ABCA4: variants seen among roughly 807,000 people sequenced by gnomAD.
The protein encoded by ABCA4 is retinal-specific phospholipid-transporting ATPase ABCA4.
A neutral mutation model predicts 263.7 loss-of-function variants in ABCA4; 196 were observed. The observed-to-expected ratio is 0.74, with a 90% CI of 0.66 to 0.84. ABCA4 has a LOEUF of 0.84. ABCA4 is among the 40% of genes least tolerant of loss of function. The pLI is 0.00. For missense variants in ABCA4, 2,792 were observed against 2,855.1 expected, an observed-to-expected ratio of 0.98 and a Z score of 0.50; for synonymous variants, 1,133 against 1,094.2, an observed-to-expected ratio of 1.04 and a Z score of -0.70.
rs1553186216 is a variant in ABCA4, at chr1:93,998,749, T to TTTATTTTATG, written c.6480-640_6480-639insCATAAAATAA. ...TTTATTTTATTTTATTTTATTTTAT[T>TTTATTTTATG]TTATTTTATTTGAGACAGTCTCACC... On this transcript the variant is annotated intron_variant, in intron 47 of 49. Coordinates refer to ENST00000370225, the MANE Select transcript of ABCA4 (RefSeq NM_000350.3). Among the ~76,000 whole-genome samples, 282 of 150,924 alleles carry TTTATTTTATG rather than the reference T, an allele frequency of 1.9e-3. 1 individual carries two copies. The highest frequency in any genetic ancestry group is 6.6e-3 in the African/African-American group (272 of 40,922).
intron 37 of ABCA4, 93 bp from the exon 38 acceptor site, chr1:94,014,783 G>C: frequency 6.5e-7 from 1 of 1,531,382 alleles, no homozygotes; most frequent in Non-Finnish European, 9.0e-7. Flanking sequence ...TTACACCTGA[G>C]GTGATGTGTG....
At chr1:94,095,874 C>T (rs555153240) in intron 6 of ABCA4, among the ~76,000 whole-genome samples, 1 of 151,056 alleles carries the variant, frequency 6.6e-6, no homozygotes, top group South Asian at 2.1e-4. Context: ...TCCACCGAGA[C>T]GGAAGCAGGA....
rs769629084 is a variant in ABCA4, at chr1:94,021,968, A to G, written c.4668-17T>C. On this transcript the variant is annotated splice_polypyrimidine_tract_variant and intron_variant, in intron 32 of 49. Transcript: ENST00000370225. ...CCTCCATACCTGACAAGGAAACAGG[A>G]AATCCTCAGACCAGGGCCACGAACT... 1.2e-6 allele frequency: 2 copies of G among 1,610,634 alleles called. No individual in the cohort carries two copies. Among genetic ancestry groups the G allele is most frequent in the Admixed American group, 3.3e-5 (2 of 60,020 alleles).
Position 94,025,007 on chromosome 1 carries a change from G to C in ABCA4, c.4581C>G (p.Asp1527Glu). Residue 1527 changes from aspartate to glutamate, a missense_variant, in exon 31 of 50, where the codon GAC becomes GAG. Asp to Glu is a conservative substitution (Grantham distance 45). Transcript: ENST00000370225. ...TTACCAAGAAGTCGGAGATGTTCCTGTCCGTCAGGTCTTGTAGAATTTCCG... is the reference window on the plus strand; with the variant it reads ...TTACCAAGAAGTCGGAGATGTTCCTCTCCGTCAGGTCTTGTAGAATTTCCG... Reference protein sequence around the residue: ...RSTEILQDLTDRNISDFLVKT... With the variant: ...RSTEILQDLTERNISDFLVKT... 3.1e-6 allele frequency: 5 copies of C among 1,614,166 alleles called. 2 individuals are homozygous for C. The South Asian group carries it at 5.5e-5, about 18-fold the overall frequency.
chr1:94,120,887 G>GGCCCCCCCCCCCCCCCC, intron 1 of ABCA4, 93 bp downstream of exon 1: 1 of 339,360 alleles, frequency 2.9e-6, no homozygotes, highest in Non-Finnish European at 5.3e-6. Context: ...CCCCCACCCT[G>GGCCCCCCCCCCCCCCCC]CCCCACCACC....
chr1:94,041,379 G>C lies in ABCA4; in HGVS notation c.3352C>G (p.His1118Asp), dbSNP rs369440533. The change falls in exon 23 of 50, where the codon CAC becomes GAC. Residue 1118 changes from histidine to aspartate, a missense_variant. Transcript: ENST00000370225. ...RSGRTIIMST[H>D]HMDEADLLGD... ...AGGAGGTCGGCCTCGTCCATGTGGT[G>C]AGTGGACATGATGATGGTTCTGCCT... is the stretch of plus-strand genomic sequence containing the variant. 2 of 1,614,016 alleles carry C rather than the reference G, an allele frequency of 1.2e-6. No homozygotes were observed. Among genetic ancestry groups the C allele is most frequent in the Non-Finnish European group, 1.7e-6 (2 of 1,180,046 alleles).
At chr1:94,048,075 T>C (rs567918266) in intron 18 of ABCA4, among the ~76,000 whole-genome samples, 19 of 152,302 alleles carry the variant, frequency 1.2e-4, no homozygotes, top group African/African-American at 3.6e-4. Context: ...GCCAGAGGCA[T>C]GGTGTACTGC....
At chr1:94,003,354 CTTT>C (rs57286064) in intron 44 of ABCA4, among the ~76,000 whole-genome samples, 4 of 142,754 alleles carry the variant, frequency 2.8e-5, no homozygotes, top group Non-Finnish European at 3.1e-5. Flanking sequence ...ATACAGTCTC[CTTT>C]TTTTTTTTTT....
chr1:94,117,329 T>TTAGG (rs1662818729), intron 1 of ABCA4, among the ~76,000 whole-genome samples: 1 of 152,076 alleles, frequency 6.6e-6, no homozygotes, highest in South Asian at 2.1e-4. Context: ...GGAGCCTGGG[T>TTAGG]ACACTGGAGT....
chr1:94,083,206 A>G, intron 7 of ABCA4, 146 bp downstream of exon 7: 1 of 790,818 alleles, frequency 1.3e-6, no homozygotes. Flanking sequence ...TTGGGATGTG[A>G]ACAGGTGCTT....
At chr1:94,011,124 G>T in intron 39 of ABCA4, 138 bp downstream of exon 39, 8 of 1,548,296 alleles carry the variant, frequency 5.2e-6, no homozygotes, top group Non-Finnish European at 7.1e-6. Flanking sequence ...ATCCTCTCCA[G>T]CTGGCAGGAC....
chr1:94,046,376 C>T (rs544956954), intron 19 of ABCA4, among the ~76,000 whole-genome samples: 4 of 135,918 alleles, frequency 2.9e-5, no homozygotes, highest in Admixed American at 2.4e-4. Flanking sequence ...GTGGGAGAAT[C>T]GCTTGATCCT....
intron 6 of ABCA4, among the ~76,000 whole-genome samples, chr1:94,085,017 C>T (rs945761922): frequency 9.2e-5 from 14 of 152,126 alleles, no homozygotes; most frequent in Non-Finnish European, 1.6e-4. Flanking sequence ...AAAATGGCCA[C>T]AGGTGGATTT....
chr1:94,088,520 C>T (rs1038426904), intron 6 of ABCA4, among the ~76,000 whole-genome samples: 10 of 152,242 alleles, frequency 6.6e-5, no homozygotes, highest in East Asian at 1.9e-4. Flanking sequence ...CTAGATCCAG[C>T]GTGTTCTGAA....
chr1:94,003,247 G>A (rs1278049422), intron 44 of ABCA4, among the ~76,000 whole-genome samples: 1 of 151,582 alleles, frequency 6.6e-6, no homozygotes, highest in Non-Finnish European at 1.5e-5. Flanking sequence ...GTAGTCTATT[G>A]TCTGCTATTC....
Position 94,021,898 on chromosome 1 carries a change from T to G in ABCA4, c.4721A>C (p.Glu1574Ala), listed in dbSNP as rs1557768944. 6.2e-7 allele frequency: 1 copy of G among 1,614,052 alleles called. No individual in the cohort carries two copies. Among genetic ancestry groups the G allele is most frequent in the South Asian group, 1.1e-5 (1 of 91,078 alleles). The change falls in exon 33 of 50, where the codon GAA becomes GCA. Residue 1574 changes from glutamate to alanine, a missense_variant. Physicochemically the swap from Glu to Ala is moderately radical, Grantham distance 107. Coordinates refer to ENST00000370225, the MANE Select transcript of ABCA4 (RefSeq NM_000350.3). Reference protein sequence around the residue: ...GKLPVVPITGEALVGFLSDLG... With the variant: ...GKLPVVPITGAALVGFLSDLG... ...GTCGCTTAAAAACCCAACAAGTGCTTCCCCCGTGATGGGGACGACTGGGAG... is the reference window on the plus strand; with the variant it reads ...GTCGCTTAAAAACCCAACAAGTGCTGCCCCCGTGATGGGGACGACTGGGAG...
At chr1:94,012,824 G>A (rs1374405078) in intron 38 of ABCA4, among the ~76,000 whole-genome samples, 1 of 150,472 alleles carries the variant, frequency 6.6e-6, no homozygotes, top group African/African-American at 2.5e-5. Context: ...GGAGCCTCTG[G>A]AGGGCAGGAC....
At chr1:94,043,215 C>A in intron 21 of ABCA4, 121 bp downstream of exon 21, 1 of 1,415,890 alleles carries the variant, frequency 7.1e-7, no homozygotes. Context: ...TTTGGTGTAA[C>A]TTCACAGAGG....
intron 6 of ABCA4, among the ~76,000 whole-genome samples, chr1:94,095,786 T>C (rs904169225): frequency 6.1e-5 from 9 of 148,110 alleles, no homozygotes; most frequent in African/African-American, 2.0e-4. Context: ...GTTTTTAGTG[T>C]AATCCATTTG....
Sources: gnomAD v4.1 joint callset for allele counts (sites outside exome capture counted in the v4.1 genomes callset) on GRCh38, gnomAD v4.1.1 for gene constraint, MANE v1.5 for transcripts, NCBI Gene and HGNC (gene_info 2026-07-23, HGNC 2026-07-21) for gene names.